The following FRAS1 variants were observed in gnomAD, a reference collection of about 807,000 sequenced individuals.
FRAS1 encodes the protein extracellular matrix organizing protein FRAS1.
In FRAS1, 290 loss-of-function variants were observed where a neutral mutation model predicts 435.2. The ratio of observed to expected loss-of-function variants is 0.67; its 90% CI spans 0.61 to 0.73. The LOEUF is 0.73. Ranked by LOEUF, FRAS1 falls within the 30% of genes least tolerant of loss-of-function variation. The pLI is 0.00. For missense variants in FRAS1, 4,860 were observed against 5,001.5 expected, an observed-to-expected ratio of 0.97 and a Z score of 0.85; for synonymous variants, 1,800 against 1,851.0, an observed-to-expected ratio of 0.97 and a Z score of 0.71.
intron 7 of FRAS1, among the ~76,000 whole-genome samples, chr4:78,266,300 A>C (rs1022014002): frequency 6.6e-6 from 1 of 152,162 alleles, no homozygotes; most frequent in Non-Finnish European, 1.5e-5. Flanking sequence ...TGGGCAGCTC[A>C]TCCTCACACA....
At chr4:78,096,020 A>G (rs1331641524) in intron 2 of FRAS1, among the ~76,000 whole-genome samples, 2 of 152,228 alleles carry the variant, frequency 1.3e-5, no homozygotes, top group Non-Finnish European at 2.9e-5. Flanking sequence ...CCTTCCGCCT[A>G]TGAGCCTGTA....
intron 37 of FRAS1, among the ~76,000 whole-genome samples, chr4:78,431,710 A>C (rs1290746050): frequency 6.6e-6 from 1 of 152,172 alleles, no homozygotes; most frequent in Non-Finnish European, 1.5e-5. Context: ...TTATATACTA[A>C]AATGAATCCT....
At chr4:78,181,919 C>T in intron 2 of FRAS1, 2 of 1,609,456 alleles carry the variant, frequency 1.2e-6, no homozygotes, top group Admixed American at 1.7e-5. Context: ...AACGCCACCC[C>T]TGCCGGCTTC....
At chr4:78,493,662 G>C (rs970591310) in intron 59 of FRAS1, among the ~76,000 whole-genome samples, 5 of 152,176 alleles carry the variant, frequency 3.3e-5, no homozygotes, top group African/African-American at 7.2e-5. Context: ...TCTGGGTGGT[G>C]GGGGGCTAGG....
intron 38 of FRAS1, among the ~76,000 whole-genome samples, chr4:78,433,465 C>A (rs1261202965): frequency 6.6e-6 from 1 of 152,000 alleles, no homozygotes; most frequent in Non-Finnish European, 1.5e-5. Context: ...TTTTTTAATG[C>A]CGTATACTTT....
At chr4:78,455,333 T>C (rs1420644516) in intron 47 of FRAS1, among the ~76,000 whole-genome samples, 1 of 152,148 alleles carries the variant, frequency 6.6e-6, no homozygotes, top group Non-Finnish European at 1.5e-5. Context: ...CTGAAGGCAG[T>C]TGGCTACAGC....
intron 2 of FRAS1, among the ~76,000 whole-genome samples, chr4:78,160,571 A>T (rs1721098224): frequency 6.6e-6 from 1 of 152,128 alleles, no homozygotes; most frequent in South Asian, 2.1e-4. Context: ...TGCTTTGTTT[A>T]TGTAGGCATT....
rs1491338357 is a variant in FRAS1, at chr4:78,183,731, T to TG, written c.109-53779_109-53778insG. Among the ~76,000 whole-genome samples, 11 of 136,878 alleles carry TG rather than the reference T, an allele frequency of 8.0e-5. No homozygotes were observed. The South Asian group carries it at 1.0e-3, about 12-fold the overall frequency. 89.8% of individuals were successfully genotyped at this position (136,878 alleles called of 152,430 possible). The stretch of plus-strand genomic sequence containing the variant: ...CTTTTTTCTCCCTGTTTTCATTCTC[T>TG]TTGTGTGTGTGTGTGTGTGTGTGTG... On this transcript the variant is annotated intron_variant, in intron 2 of 73. Coordinates refer to ENST00000512123, the MANE Select transcript of FRAS1 (RefSeq NM_025074.7).
At chr4:78,458,572 A>G (rs139499192) in intron 47 of FRAS1, among the ~76,000 whole-genome samples, 113 of 152,262 alleles carry the variant, frequency 7.4e-4, no homozygotes, top group African/African-American at 2.6e-3. Context: ...TGGGGAGAAA[A>G]GGCTGAAAAA....
chr4:78,464,689 G>A (rs1388285777), intron 49 of FRAS1, 106 bp downstream of exon 49: 6 of 1,210,490 alleles, frequency 5.0e-6, no homozygotes, highest in African/African-American at 1.5e-5. Flanking sequence ...GAGCTGTAAG[G>A]TGAGTGCAAG....
chr4:78,357,017 A>G (rs1390646825), intron 20 of FRAS1, among the ~76,000 whole-genome samples: 3 of 152,050 alleles, frequency 2.0e-5, no homozygotes, highest in Admixed American at 2.0e-4. Flanking sequence ...TGTGTTCTTT[A>G]AGATCCAGCC....
chr4:78,165,869 A>T (rs1721314909), intron 2 of FRAS1, among the ~76,000 whole-genome samples: 1 of 152,156 alleles, frequency 6.6e-6, no homozygotes, highest in Admixed American at 6.5e-5. Context: ...GAGTGAGCAG[A>T]CACATACGAG....
chr4:78,067,387 A>G (rs556203658), intron 2 of FRAS1, among the ~76,000 whole-genome samples: 1 of 152,192 alleles, frequency 6.6e-6, no homozygotes, highest in Non-Finnish European at 1.5e-5. Flanking sequence ...ACCATCTTCT[A>G]TATTTAACTT....
chr4:78,329,898 A>T (rs900282209), intron 18 of FRAS1, among the ~76,000 whole-genome samples: 1 of 152,222 alleles, frequency 6.6e-6, no homozygotes, highest in African/African-American at 2.4e-5. Context: ...GATTAAGTCT[A>T]TTGGGGGCTC....
At chr4:78,379,106 A>G (rs1731902914) in intron 26 of FRAS1, 1 of 152,794 alleles carries the variant, frequency 6.5e-6, no homozygotes, top group Admixed American at 6.5e-5. Context: ...CTGAATTTAC[A>G]ACATTACAAG....
chr4:78,424,966 A>T (rs1486285757), intron 35 of FRAS1, among the ~76,000 whole-genome samples: 1 of 152,062 alleles, frequency 6.6e-6, no homozygotes. Context: ...GCCCAATTTC[A>T]ACATGTCCTA....
At chr4:78,429,271 T>G (rs759447768) in intron 36 of FRAS1, 45 bp downstream of exon 36, 14 of 1,570,514 alleles carry the variant, frequency 8.9e-6, no homozygotes, top group Non-Finnish European at 9.5e-6. Context: ...GGAAATGGGA[T>G]CATATTGCTG....
At chr4:78,317,145 A>G (rs1199452315) in intron 16 of FRAS1, among the ~76,000 whole-genome samples, 1 of 152,258 alleles carries the variant, frequency 6.6e-6, no homozygotes, top group East Asian at 1.9e-4. Context: ...CAAACACTAA[A>G]TAAAGGGTAG....
rs372457666 is a variant in FRAS1, at chr4:78,311,687, A to G, written c.1678+3478A>G. Among the ~76,000 whole-genome samples the G allele has an allele frequency of 2.6e-5, 4 of 152,278 alleles. No homozygotes were observed. In the South Asian group the frequency reaches 8.3e-4, roughly 32 times the overall value. On this transcript the variant is annotated intron_variant, in intron 15 of 73. Coordinates refer to ENST00000512123, the MANE Select transcript of FRAS1 (RefSeq NM_025074.7). ...GGCTGTGCAATCTATATTCCCAAGC[A>G]TAAGGGTTCACTCATCTCCACATCC...
Sources: gnomAD v4.1 joint callset for allele counts (sites outside exome capture counted in the v4.1 genomes callset) on GRCh38, gnomAD v4.1.1 for gene constraint, MANE v1.5 for transcripts, NCBI Gene and HGNC (gene_info 2026-07-23, HGNC 2026-07-21) for gene names.